BECN1: variants seen among roughly 807,000 people sequenced by gnomAD.
BECN1 encodes beclin 1.
In BECN1, 15 loss-of-function variants were observed where a neutral mutation model predicts 60.1. The observed-to-expected ratio is 0.25, with a 90% CI of 0.17 to 0.38. BECN1 has a LOEUF of 0.38. BECN1 is among the 10% of genes least tolerant of loss of function. The probability of loss-of-function intolerance (pLI) is 1.00; values close to 1 mark genes in which losing one functional copy is unlikely to be tolerated. For synonymous variants in BECN1, 179 were observed against 201.8 expected, an observed-to-expected ratio of 0.89 and a Z score of 0.96; for missense variants, 424 against 548.2, an observed-to-expected ratio of 0.77 and a Z score of 2.26.
At chr17:42,814,883 T>C in intron 8 of BECN1, 1 of 603,528 alleles carries the variant, frequency 1.7e-6, no homozygotes, top group Non-Finnish European at 2.9e-6. Context: ...GTGGTATCCT[T>C]GAATGCTCCC....
At chr17:42,813,888 C>T in intron 10 of BECN1, 60 bp downstream of exon 10, 2 of 1,238,360 alleles carry the variant, frequency 1.6e-6, no homozygotes, top group Non-Finnish European at 2.3e-6. Context: ...GCAAACCATC[C>T]ATTTTCTTAA....
intron 10 of BECN1, chr17:42,812,004 T>A (rs2055022058): frequency 1.8e-6 from 1 of 555,440 alleles, no homozygotes; most frequent in African/African-American, 1.9e-5. Context: ...TCACTATCAA[T>A]GAAAATGTAC....
rs770565020 is a variant in BECN1, at chr17:42,813,962, T to A, written c.1027A>T (p.Thr343Ser). The A allele has an allele frequency of 6.9e-6, 11 of 1,603,110 alleles. No homozygotes were observed. The highest frequency in any genetic ancestry group is 9.4e-6 in the Non-Finnish European group (11 of 1,172,176). ...YGNHSYLESL[T>S]DKSKELPLYC... ...TCACAGAGTACCTTAGATTTGTCTG[T>A]CAGAGACTCCAGATATGAATGGTTT... is the stretch of plus-strand genomic sequence containing the variant. The change falls in exon 10 of 12, where the codon ACA (threonine) becomes TCA (serine). Residue 343 changes from threonine to serine, a missense_variant. Physicochemically the swap from Thr to Ser is moderately conservative, Grantham distance 58. Coordinates refer to ENST00000590099, the MANE Select transcript of BECN1 (RefSeq NM_001313998.2).
chr17:42,819,234 G>A (rs1337982461), intron 4 of BECN1: 1 of 466,458 alleles, frequency 2.1e-6, no homozygotes, highest in African/African-American at 2.0e-5. Context: ...CTAAGGACCT[G>A]AACATCTAAC....
intron 10 of BECN1, chr17:42,812,030 C>A (rs2055022966): frequency 2.1e-6 from 1 of 472,662 alleles, no homozygotes. Flanking sequence ...GTTGAGCATC[C>A]TTAATCCAAA....
At chr17:42,819,062 C>T in intron 4 of BECN1, 185 bp from the exon 5 acceptor site, 1 of 617,298 alleles carries the variant, frequency 1.6e-6, no homozygotes, top group Non-Finnish European at 2.8e-6. Flanking sequence ...TGGTCTTCCA[C>T]AGGGACACTC....
chr17:42,815,209 G>C (rs1348590648), intron 8 of BECN1, among the ~76,000 whole-genome samples: 1 of 149,246 alleles, frequency 6.7e-6, no homozygotes, highest in Non-Finnish European at 1.5e-5. Context: ...TAACTCTCCA[G>C]TTTCATATCC....
chr17:42,819,007 C>T (rs906952515), intron 4 of BECN1, 130 bp from the exon 5 acceptor site: 8 of 938,396 alleles, frequency 8.5e-6, no homozygotes, highest in South Asian at 1.7e-5. Flanking sequence ...ACTCCTAGCC[C>T]GACTGACCTC....
At chr17:42,814,761 A>C in intron 8 of BECN1, 88 bp from the exon 9 acceptor site, 1 of 1,517,090 alleles carries the variant, frequency 6.6e-7, no homozygotes, top group South Asian at 1.2e-5. Flanking sequence ...ACCTAGCTTA[A>C]ATCTATCTTC....
chr17:42,819,620 A>G lies in BECN1; in HGVS notation c.199-11T>C. 1 of 1,613,036 alleles carries G rather than the reference A, an allele frequency of 6.2e-7. No homozygotes were observed. The highest frequency in any genetic ancestry group is 8.5e-7 in the Non-Finnish European group (1 of 1,179,712). Reference sequence around the variant, plus strand: ...TTCAATAAATGGCTCCTGGGAAAGAAATAAGAGGGCATTACAACTCTGGCA... The same window carrying G: ...TTCAATAAATGGCTCCTGGGAAAGAGATAAGAGGGCATTACAACTCTGGCA... On this transcript the variant is annotated splice_polypyrimidine_tract_variant and intron_variant, in intron 3 of 11. Transcript: ENST00000590099.
intron 4 of BECN1, 120 bp from the exon 5 acceptor site, chr17:42,818,997 A>ACT: frequency 9.1e-7 from 1 of 1,099,866 alleles, no homozygotes; most frequent in Non-Finnish European, 1.3e-6. Flanking sequence ...GAACATACCC[A>ACT]CTCCTAGCCC....
chr17:42,822,158 G>A (rs1242073807), intron 2 of BECN1, among the ~76,000 whole-genome samples: 7 of 152,100 alleles, frequency 4.6e-5, no homozygotes, highest in African/African-American at 7.2e-5. Flanking sequence ...AGCCGAGATC[G>A]CGCCACTGCA....
intron 2 of BECN1, among the ~76,000 whole-genome samples, chr17:42,821,383 T>C (rs1383815413): frequency 6.6e-6 from 1 of 152,198 alleles, no homozygotes; most frequent in Non-Finnish European, 1.5e-5. Context: ...AATCCTTATC[T>C]GTCAAAAATA....
chr17:42,815,372 TTAAACG>T, intron 8 of BECN1, among the ~76,000 whole-genome samples: 1 of 152,084 alleles, frequency 6.6e-6, no homozygotes, highest in Non-Finnish European at 1.5e-5. Context: ...ACCTCTCAGT[TTAAACG>T]TAAGTCCCCT....
intron 3 of BECN1, 69 bp from the exon 4 acceptor site, chr17:42,819,678 T>C (rs1279747477): frequency 2.0e-6 from 3 of 1,487,314 alleles, no homozygotes; most frequent in Non-Finnish European, 2.8e-6. Flanking sequence ...CCAAACAGCC[T>C]CAGAACTATA....
chr17:42,820,668 C>T (rs1056926445), intron 3 of BECN1, 106 bp downstream of exon 3: 1 of 1,184,524 alleles, frequency 8.4e-7, no homozygotes, highest in African/African-American at 1.5e-5. Flanking sequence ...TCTAGAAGCG[C>T]CAAGTAGCCT....
At chr17:42,812,787 T>C (rs2055050369) in intron 10 of BECN1, 1 of 150,478 alleles carries the variant, frequency 6.6e-6, no homozygotes, top group African/African-American at 2.4e-5. Flanking sequence ...ACCATTGATA[T>C]GATGCCACAA....
At chr17:42,821,617 C>G (rs2055265745) in intron 2 of BECN1, among the ~76,000 whole-genome samples, 2 of 152,146 alleles carry the variant, frequency 1.3e-5, no homozygotes, top group South Asian at 4.1e-4. Context: ...AGGAAACTTT[C>G]TAGGAAGATG....
At chr17:42,819,767 G>A (rs1248402295) in intron 3 of BECN1, among the ~76,000 whole-genome samples, 158 bp from the exon 4 acceptor site, 3 of 152,014 alleles carry the variant, frequency 2.0e-5, no homozygotes, top group Non-Finnish European at 4.4e-5. Context: ...CAATCCTTGT[G>A]TATGTGGACT....
Sources: gnomAD v4.1 joint callset for allele counts (sites outside exome capture counted in the v4.1 genomes callset) on GRCh38, gnomAD v4.1.1 for gene constraint, MANE v1.5 for transcripts, NCBI Gene and HGNC (gene_info 2026-07-23, HGNC 2026-07-21) for gene names.